The following SYT14 variants were observed in gnomAD, a reference collection of about 807,000 sequenced individuals.
SYT14 encodes the protein synaptotagmin-14.
In SYT14, 32 loss-of-function variants were observed where a neutral mutation model predicts 74.2. The observed-to-expected ratio is 0.43, with a 90% CI of 0.33 to 0.58. The LOEUF (loss-of-function observed/expected upper bound fraction) is 0.58, where lower values mean the gene tolerates loss of function less well. SYT14 is among the 20% of genes least tolerant of loss of function. The probability of loss-of-function intolerance (pLI) is 0.05; values close to 1 mark genes in which losing one functional copy is unlikely to be tolerated. For missense variants in SYT14, 791 were observed against 981.8 expected, an observed-to-expected ratio of 0.81 and a Z score of 2.60; for synonymous variants, 298 against 337.7, an observed-to-expected ratio of 0.88 and a Z score of 1.29.
At position 210,155,751 on chromosome 1, in the gene SYT14, A is replaced by G. The variant is rs751406622; in HGVS notation, c.2065A>G (p.Met689Val). Residue 689 changes from methionine (M) to valine (V), a missense_variant, in exon 8 of 10, where the codon ATG becomes GTG. Met to Val is a conservative substitution (Grantham distance 21). Coordinates refer to ENST00000637265, the Ensembl canonical transcript of SYT14. ...TGACTCCCAAATGAGCGTGTCAGAAATGTCGTGTAGTGAAAGTACATCCTC... is the reference window on the plus strand; with the variant it reads ...TGACTCCCAAATGAGCGTGTCAGAAGTGTCGTGTAGTGAAAGTACATCCTC... The G allele has an allele frequency of 1.9e-6, 3 of 1,614,146 alleles. No homozygotes were observed. The Admixed American group carries it at 5.0e-5, about 27-fold the overall frequency.
At chr1:209,949,227 G>T (rs1405171493) in intron 1 of SYT14, among the ~76,000 whole-genome samples, 3 of 152,122 alleles carry the variant, frequency 2.0e-5, no homozygotes, top group Admixed American at 2.0e-4. Flanking sequence ...TTAACCTGGA[G>T]AATGCATGTT....
chr1:210,018,324 G>C (rs1372092159), intron 4 of SYT14, among the ~76,000 whole-genome samples: 1 of 152,064 alleles, frequency 6.6e-6, no homozygotes, highest in Non-Finnish European at 1.5e-5. Flanking sequence ...CATAAAGATA[G>C]GGTTTCATCA....
At chr1:209,962,120 TC>T (rs1247721551) in intron 2 of SYT14, among the ~76,000 whole-genome samples, 1 of 152,092 alleles carries the variant, frequency 6.6e-6, no homozygotes, top group Admixed American at 6.5e-5. Flanking sequence ...TTTCTTTCTT[TC>T]TTGTGACTAA....
exon 10 of SYT14, chr1:210,166,712 T>C (rs1182482529): frequency 6.6e-6 from 1 of 152,152 alleles, no homozygotes; most frequent in Non-Finnish European, 1.5e-5. Context: ...TCTACTTCAT[T>C]TGGCCTGGAA....
chr1:210,158,195 G>T (rs749403334), intron 8 of SYT14, among the ~76,000 whole-genome samples: 1 of 152,206 alleles, frequency 6.6e-6, no homozygotes, highest in African/African-American at 2.4e-5. Flanking sequence ...AGATTTGGTA[G>T]TGTGACTTGA....
At chr1:210,106,924 A>G (rs1365600251) in intron 7 of SYT14, among the ~76,000 whole-genome samples, 1 of 152,208 alleles carries the variant, frequency 6.6e-6, no homozygotes, top group Non-Finnish European at 1.5e-5. Flanking sequence ...AGTCCCTTCC[A>G]CCTATGAGCC....
intron 7 of SYT14, among the ~76,000 whole-genome samples, chr1:210,142,679 A>G (rs2082941794): frequency 6.6e-6 from 1 of 152,208 alleles, no homozygotes; most frequent in Non-Finnish European, 1.5e-5. Flanking sequence ...ATTTAAAAGT[A>G]AGTAACAGAT....
At chr1:209,992,125 G>A (rs556349743) in intron 2 of SYT14, among the ~76,000 whole-genome samples, 1 of 152,204 alleles carries the variant, frequency 6.6e-6, no homozygotes, top group Non-Finnish European at 1.5e-5. Flanking sequence ...TAGATGACTG[G>A]ATAAAGAAAA....
At chr1:209,996,584 G>A (rs2079802323) in intron 2 of SYT14, among the ~76,000 whole-genome samples, 1 of 151,870 alleles carries the variant, frequency 6.6e-6, no homozygotes, top group Admixed American at 6.6e-5. Context: ...CAAGGAGGAG[G>A]GACTCCTCCC....
At chr1:210,040,681 CTA>C (rs1232168423) in intron 5 of SYT14, among the ~76,000 whole-genome samples, 1 of 152,036 alleles carries the variant, frequency 6.6e-6, no homozygotes, top group Non-Finnish European at 1.5e-5. Context: ...AGAATTAATT[CTA>C]TGTCTTTATG....
intron 4 of SYT14, among the ~76,000 whole-genome samples, 168 bp from the exon 4 acceptor site, chr1:210,020,871 G>GTGTA (rs1553267022): frequency 5.3e-5 from 8 of 151,924 alleles, no homozygotes; most frequent in African/African-American, 1.9e-4. Flanking sequence ...GTGTGTGTGT[G>GTGTA]TATATATGTG....
chr1:210,075,341 T>TG (rs1002261070), intron 5 of SYT14, among the ~76,000 whole-genome samples: 1 of 115,030 alleles, frequency 8.7e-6, no homozygotes, highest in African/African-American at 4.7e-5. Context: ...CTCGAGGGTT[T>TG]GTTTTTTTTT....
chr1:210,085,579 A>G (rs187567353), intron 5 of SYT14, among the ~76,000 whole-genome samples: 3 of 152,350 alleles, frequency 2.0e-5, no homozygotes, highest in African/African-American at 7.2e-5. Flanking sequence ...TTTATCATGA[A>G]TGGATAATGA....
At chr1:210,017,609 A>T (rs1203000293) in intron 4 of SYT14, among the ~76,000 whole-genome samples, 2 of 152,170 alleles carry the variant, frequency 1.3e-5, no homozygotes, top group African/African-American at 4.8e-5. Context: ...TTTCGCCCAT[A>T]CATTAAAAAT....
chr1:210,129,047 A>G, intron 7 of SYT14, among the ~76,000 whole-genome samples: 1 of 152,224 alleles, frequency 6.6e-6, no homozygotes, highest in Non-Finnish European at 1.5e-5. Context: ...ATTATAAAGA[A>G]GTACAAATGA....
chr1:209,996,574 CAAG>C (rs1402712793), intron 2 of SYT14, among the ~76,000 whole-genome samples: 3 of 151,890 alleles, frequency 2.0e-5, no homozygotes, highest in Non-Finnish European at 4.4e-5. Context: ...TCCAGGAAAT[CAAG>C]GAGGAGGGAC....
At chr1:210,047,914 A>G (rs1250156989) in intron 5 of SYT14, among the ~76,000 whole-genome samples, 2 of 152,176 alleles carry the variant, frequency 1.3e-5, no homozygotes, top group African/African-American at 4.8e-5. Flanking sequence ...AGATGTCTTC[A>G]GTGTGTTACA....
intron 2 of SYT14, among the ~76,000 whole-genome samples, chr1:209,966,825 T>C (rs1558097824): frequency 6.6e-6 from 1 of 152,222 alleles, no homozygotes; most frequent in Admixed American, 6.5e-5. Context: ...TTCTTTTTCC[T>C]GCCTTATTTC....
chr1:210,034,346 C>T (rs962413484), intron 5 of SYT14, among the ~76,000 whole-genome samples: 2 of 151,412 alleles, frequency 1.3e-5, no homozygotes, highest in Non-Finnish European at 3.0e-5. Flanking sequence ...ACTGTTACAC[C>T]CAAGTAAATC....
Sources: allele counts gnomAD v4.1 joint callset (sites outside exome capture counted in the v4.1 genomes callset), GRCh38; gene constraint gnomAD v4.1.1; transcripts MANE v1.5; gene names NCBI Gene and HGNC (gene_info 2026-07-23, HGNC 2026-07-21).